FAT3: variants seen among roughly 807,000 people sequenced by gnomAD.
The protein encoded by FAT3 is protocadherin Fat 3.
Under a neutral mutation model 310.2 loss-of-function variants are expected in FAT3, and 95 were observed. That is an observed-to-expected ratio of 0.31 (90% CI 0.26 to 0.36). The LOEUF (loss-of-function observed/expected upper bound fraction) is 0.36, where lower values mean the gene tolerates loss of function less well. FAT3 is among the 10% of genes least tolerant of loss of function. FAT3 has a pLI of 1.00. For synonymous variants in FAT3, 2,314 were observed against 2,192.9 expected (o/e 1.06, Z -1.54); for missense variants, 5,408 against 5,715.6 (o/e 0.95, Z 1.74).
At chr11:92,740,356 C>A (rs189057720) in intron 4 of FAT3, among the ~76,000 whole-genome samples, 334 of 152,302 alleles carry the variant, frequency 2.2e-3, no homozygotes, top group Middle Eastern at 6.8e-3. Flanking sequence ...CATTATTTAA[C>A]ACATTTAATC....
intron 1 of FAT3, among the ~76,000 whole-genome samples, chr11:92,263,241 G>A (rs1007967395): frequency 7.3e-5 from 11 of 150,514 alleles, no homozygotes; most frequent in East Asian, 1.9e-4. Context: ...TTTTTTTCTC[G>A]ATTCACTTAT....
chr11:92,603,814 G>T (rs1229855142), intron 3 of FAT3, among the ~76,000 whole-genome samples: 1 of 152,212 alleles, frequency 6.6e-6, no homozygotes, highest in Non-Finnish European at 1.5e-5. Context: ...AACAACTTGT[G>T]CTTTTAAAAT....
chr11:92,891,140 G>T lies in FAT3; in HGVS notation c.*27G>T. 1 of 1,603,072 alleles carries T rather than the reference G, an allele frequency of 6.2e-7. No homozygotes were observed. Among genetic ancestry groups the T allele is most frequent in the Non-Finnish European group, 8.5e-7 (1 of 1,173,746 alleles). On this transcript the variant is annotated 3_prime_UTR_variant, in exon 28 of 28. Transcript: ENST00000525166. ...CATCACATCTTGGGTACTTCACCCT[G>T]TTTGTTACAGAAAAGTGGAAGCAGA...
chr11:92,346,673 C>G (rs1014158453), intron 1 of FAT3, among the ~76,000 whole-genome samples: 3 of 152,080 alleles, frequency 2.0e-5, no homozygotes, highest in African/African-American at 7.2e-5. Flanking sequence ...AGAGTGTGAA[C>G]TCTTATACTC....
At chr11:92,510,158 T>G (rs1263972704) in intron 2 of FAT3, among the ~76,000 whole-genome samples, 1 of 152,226 alleles carries the variant, frequency 6.6e-6, no homozygotes, top group Non-Finnish European at 1.5e-5. Context: ...CTGAAGTTTA[T>G]GTCCATTTCT....
At chr11:92,236,758 C>T (rs1185138724) in intron 1 of FAT3, among the ~76,000 whole-genome samples, 1 of 152,076 alleles carries the variant, frequency 6.6e-6, no homozygotes, top group Non-Finnish European at 1.5e-5. Flanking sequence ...GCTCACAGTT[C>T]AGTGTTGGGA....
At chr11:92,669,890 T>C (rs1028490950) in intron 3 of FAT3, among the ~76,000 whole-genome samples, 1 of 152,186 alleles carries the variant, frequency 6.6e-6, no homozygotes, top group Non-Finnish European at 1.5e-5. Context: ...AGACAGCTGT[T>C]ACTACTATTA....
At chr11:92,532,803 G>A (rs79430699) in intron 3 of FAT3, among the ~76,000 whole-genome samples, 7,464 of 152,088 alleles carry the variant, frequency 0.049, 211 homozygotes, top group South Asian at 0.097. Flanking sequence ...GCCTTCTGAC[G>A]GATCAATATG....
At chr11:92,852,736 T>A (rs1948864429) in intron 19 of FAT3, among the ~76,000 whole-genome samples, 2 of 152,210 alleles carry the variant, frequency 1.3e-5, no homozygotes, top group African/African-American at 4.8e-5. Flanking sequence ...AGTATTTTTT[T>A]ACACATCCTC....
rs540268333 is a variant in FAT3, at chr11:92,232,475, G to A, written c.-18+7301G>A. ...TACATATTCAGACACTGTATAAGATGGTTTAATTAGTGAACAAGGATTTGG... is the reference window on the plus strand; with the variant it reads ...TACATATTCAGACACTGTATAAGATAGTTTAATTAGTGAACAAGGATTTGG... On this transcript the variant is annotated intron_variant, in intron 1 of 27. Transcript: ENST00000525166. 1.4e-4 allele frequency among the ~76,000 whole-genome samples: 22 copies of A among 152,110 alleles called. No homozygotes were observed. In the South Asian group the frequency reaches 4.6e-3, roughly 32 times the overall value.
rs138963129 is a variant in FAT3 at position 92,618,734 on chromosome 11, A to G, written c.3608-78650A>G. On this transcript the variant is annotated intron_variant, in intron 3 of 27. Coordinates refer to ENST00000525166, the MANE Select transcript of FAT3 (RefSeq NM_001367949.2). ...TTGCTGAACCCATTTATTAGCTCCA[A>G]CATTTCTTTGTGTATTCCTAAGGGT... 3.4e-3 allele frequency among the ~76,000 whole-genome samples: 521 copies of G among 152,316 alleles called. 3 individuals are homozygous for G. Among genetic ancestry groups the G allele is most frequent in the Non-Finnish European group, 5.4e-4 (37 of 68,034 alleles).
At position 92,354,052 on chromosome 11, in the gene FAT3, G is replaced by T. The variant is rs1431347921; in HGVS notation, c.1940G>T (p.Gly647Val). ...CTGACAAATTCTGGCATTAAAAATG[G>T]CAATTTTGCCCTCAGAATTACAGCA... is the stretch of plus-strand genomic sequence containing the variant. The part of the protein sequence containing the change: ...KSLTNSGIKN[G>V]NFALRITATD... Residue 647 changes from glycine (G) to valine (V), a missense_variant, in exon 2 of 28, where the codon GGC becomes GTC. Coordinates refer to ENST00000525166, the MANE Select transcript of FAT3 (RefSeq NM_001367949.2). 1 of 1,613,338 alleles carries T rather than the reference G, an allele frequency of 6.2e-7. No homozygotes were observed. Among genetic ancestry groups the T allele is most frequent in the Non-Finnish European group, 8.5e-7 (1 of 1,179,730 alleles).
rs79114947 is a variant in FAT3 at position 92,293,205 on chromosome 11, G to A, written c.-17-58891G>A. Among the ~76,000 whole-genome samples the A allele has an allele frequency of 8.9e-3, 1,344 of 151,660 alleles. 20 individuals are homozygous for A. Among genetic ancestry groups the A allele is most frequent in the African/African-American group, 0.031 (1,264 of 41,394 alleles). ...AGCCTTTTTGGTTTCCTATAAGAGG[G>A]TGGGAGCTAGAAGGCAGAAATGAAG... On this transcript the variant is annotated intron_variant, in intron 1 of 27. Transcript: ENST00000525166.
At chr11:92,756,384 A>G (rs1202693430) in intron 4 of FAT3, among the ~76,000 whole-genome samples, 1 of 152,238 alleles carries the variant, frequency 6.6e-6, no homozygotes, top group Non-Finnish European at 1.5e-5. Context: ...GTGCTGAACC[A>G]CAGGTAACTG....
At chr11:92,356,259 T>C (rs1311213820) in intron 2 of FAT3, among the ~76,000 whole-genome samples, 1 of 152,230 alleles carries the variant, frequency 6.6e-6, no homozygotes, top group East Asian at 1.9e-4. Flanking sequence ...TGCATTTTTC[T>C]AGATTTTAGA....
intron 2 of FAT3, among the ~76,000 whole-genome samples, chr11:92,503,271 G>T (rs913708204): frequency 6.6e-6 from 1 of 152,038 alleles, no homozygotes; most frequent in East Asian, 1.9e-4. Flanking sequence ...ATTATAATAT[G>T]CATATTGCCT....
At chr11:92,660,989 A>G (rs1942761740) in intron 3 of FAT3, among the ~76,000 whole-genome samples, 1 of 152,124 alleles carries the variant, frequency 6.6e-6, no homozygotes, top group African/African-American at 2.4e-5. Context: ...AATCATTGAA[A>G]AAATATTATT....
intron 1 of FAT3, among the ~76,000 whole-genome samples, chr11:92,296,461 G>A (rs1005174643): frequency 5.3e-5 from 8 of 152,062 alleles, no homozygotes; most frequent in South Asian, 2.1e-4. Flanking sequence ...CTCCAGAAAC[G>A]TTGGCTGCCA....
At chr11:92,598,235 T>A (rs1338379669) in intron 3 of FAT3, among the ~76,000 whole-genome samples, 1 of 147,118 alleles carries the variant, frequency 6.8e-6, no homozygotes, top group African/African-American at 2.5e-5. Context: ...TATATATTTT[T>A]TTTTTTTTTG....
Sources: allele counts gnomAD v4.1 joint callset (sites outside exome capture counted in the v4.1 genomes callset), GRCh38; gene constraint gnomAD v4.1.1; transcripts MANE v1.5; gene names NCBI Gene and HGNC (gene_info 2026-07-23, HGNC 2026-07-21).